GRIK4: variants seen among roughly 807,000 people sequenced by gnomAD.
GRIK4 encodes the protein glutamate receptor ionotropic, kainate 4.
Under a neutral mutation model 104.9 loss-of-function variants are expected in GRIK4, and 40 were observed. The observed-to-expected ratio is 0.38, with a 90% CI of 0.30 to 0.50. The LOEUF (loss-of-function observed/expected upper bound fraction) is 0.50. Among genes scored for constraint, GRIK4 ranks in the 20% least tolerant of loss-of-function variants. The pLI, the probability that GRIK4 is intolerant of heterozygous loss-of-function variation, is 0.93. For synonymous variants in GRIK4, 485 were observed against 524.9 expected (o/e 0.92, Z 1.04); for missense variants, 1,047 against 1,308.1 (o/e 0.80, Z 3.08).
At chr11:120,815,139 A>C (rs938731030) in intron 4 of GRIK4, among the ~76,000 whole-genome samples, 4 of 152,262 alleles carry the variant, frequency 2.6e-5, no homozygotes, top group African/African-American at 9.6e-5. Context: ...GTATGTTGTC[A>C]TAACCTGGGT....
intron 1 of GRIK4, among the ~76,000 whole-genome samples, chr11:120,601,647 GT>G (rs779169082): frequency 0.043 from 5,401 of 125,124 alleles, 295 homozygotes; most frequent in East Asian, 0.17. Flanking sequence ...TGTGTGTGTG[GT>G]TTTTTTTTTT....
chr11:120,533,042 G>C (rs543919118), intron 1 of GRIK4, among the ~76,000 whole-genome samples: 37 of 152,166 alleles, frequency 2.4e-4, no homozygotes, highest in Non-Finnish European at 4.9e-4. Flanking sequence ...CCAAGGTGGA[G>C]GCCAATGTAG....
chr11:120,612,414 C>G (rs1949048923), intron 1 of GRIK4, among the ~76,000 whole-genome samples: 1 of 151,730 alleles, frequency 6.6e-6, no homozygotes, highest in South Asian at 2.1e-4. Flanking sequence ...CTTCTGTGTC[C>G]TCATAATACT....
intron 3 of GRIK4, among the ~76,000 whole-genome samples, chr11:120,669,169 ACACT>A (rs565641686): frequency 4.7e-4 from 72 of 152,118 alleles, no homozygotes; most frequent in Non-Finnish European, 7.4e-4. Flanking sequence ...GTGTGTTCAC[ACACT>A]CATGTGTGGG....
chr11:120,574,397 G>T (rs1434228800), intron 1 of GRIK4, among the ~76,000 whole-genome samples: 1 of 152,192 alleles, frequency 6.6e-6, no homozygotes, highest in Non-Finnish European at 1.5e-5. Flanking sequence ...GACACCTTAC[G>T]TATATGGTCT....
At chr11:120,751,669 C>T (rs893474872) in intron 3 of GRIK4, among the ~76,000 whole-genome samples, 1 of 152,140 alleles carries the variant, frequency 6.6e-6, no homozygotes, top group Non-Finnish European at 1.5e-5. Flanking sequence ...AAAAGCAGAC[C>T]ATGTTCCCAC....
At chr11:120,716,637 A>G (rs1185134290) in intron 3 of GRIK4, among the ~76,000 whole-genome samples, 1 of 152,186 alleles carries the variant, frequency 6.6e-6, no homozygotes, top group Non-Finnish European at 1.5e-5. Context: ...CTGCCTTCTA[A>G]GTGTTGGCAG....
intron 11 of GRIK4, among the ~76,000 whole-genome samples, chr11:120,880,100 A>G (rs1375113291): frequency 1.3e-5 from 2 of 152,186 alleles, no homozygotes; most frequent in Admixed American, 6.5e-5. Context: ...GCAGATCTAA[A>G]CTTTTTCTGT....
intron 5 of GRIK4, among the ~76,000 whole-genome samples, chr11:120,818,434 C>G (rs1366802957): frequency 2.6e-5 from 4 of 152,212 alleles, no homozygotes; most frequent in African/African-American, 9.7e-5. Flanking sequence ...AGATCAATGT[C>G]ACTCTTTAGA....
chr11:120,639,544 G>A (rs530262369), intron 1 of GRIK4, among the ~76,000 whole-genome samples: 1 of 152,300 alleles, frequency 6.6e-6, no homozygotes, highest in Admixed American at 6.5e-5. Context: ...GTCTCAGTAA[G>A]TGACTCCATC....
At chr11:120,550,295 G>C (rs1437355622) in intron 1 of GRIK4, among the ~76,000 whole-genome samples, 3 of 148,792 alleles carry the variant, frequency 2.0e-5, no homozygotes, top group African/African-American at 7.6e-5. Context: ...GAGTGAGTGG[G>C]AGGAGGATGG....
chr11:120,971,533 C>T (rs893266335), intron 19 of GRIK4, among the ~76,000 whole-genome samples: 1 of 152,214 alleles, frequency 6.6e-6, no homozygotes, highest in Non-Finnish European at 1.5e-5. Flanking sequence ...TGCCAACAAA[C>T]AGCGTGGTAA....
chr11:120,669,310 A>C (rs931611997), intron 3 of GRIK4, among the ~76,000 whole-genome samples: 3 of 152,188 alleles, frequency 2.0e-5, no homozygotes, highest in African/African-American at 4.8e-5. Context: ...CTACCCTCTT[A>C]GCCTGGTGGA....
At chr11:120,737,977 A>G (rs954625700) in intron 3 of GRIK4, among the ~76,000 whole-genome samples, 3 of 152,206 alleles carry the variant, frequency 2.0e-5, no homozygotes, top group African/African-American at 7.2e-5. Context: ...CATAAGCGGA[A>G]TTTAAAGCCT....
At chr11:120,541,276 A>G (rs116033420) in intron 1 of GRIK4, among the ~76,000 whole-genome samples, 1 of 152,232 alleles carries the variant, frequency 6.6e-6, no homozygotes, top group Non-Finnish European at 1.5e-5. Context: ...AGCCAGCATC[A>G]CACTTTGAAC....
chr11:120,800,963 G>A (rs933370539), intron 3 of GRIK4, among the ~76,000 whole-genome samples: 3 of 143,334 alleles, frequency 2.1e-5, no homozygotes, highest in East Asian at 1.9e-4. Flanking sequence ...TGCATACCAC[G>A]TAATTCACTT....
rs766211470 is a variant in GRIK4, at chr11:120,967,153, C to A, written c.2267-42C>A. 4.4e-6 allele frequency: 7 copies of A among 1,584,516 alleles called. No individual in the cohort carries two copies. The highest frequency in any genetic ancestry group is 3.4e-6 in the Non-Finnish European group (4 of 1,164,746). ...GGGAGCAGAGTGACACCTAACAGGG[C>A]ATTCACAACCTGTGTCCTGGGCTCT... On this transcript the variant is annotated intron_variant, in intron 18 of 20. Coordinates refer to ENST00000527524, the MANE Select transcript of GRIK4 (RefSeq NM_014619.5). This position sits in a 1 kb window ranked among gnomAD's most constrained non-coding sequence, Gnocchi z 4.2.
In GRIK4 at chr11:120,660,276, T is replaced by C. The variant is rs1949789971; in HGVS notation, c.-43T>C. On this transcript the variant is annotated 5_prime_UTR_variant, in exon 3 of 21. Coordinates refer to ENST00000527524, the MANE Select transcript of GRIK4 (RefSeq NM_014619.5). ...CAACCCCCTCTCTCGCAGAGTTATG[T>C]CATGCCCAGGCCAGCAGGGGGCTCC... 6.9e-7 allele frequency: 1 copy of C among 1,444,970 alleles called. No homozygotes were observed. The allele number at this position is 1,444,970 out of a possible 1,614,324, so 89.5% of individuals were successfully genotyped here.
chr11:120,955,716 C>T (rs937946178), intron 15 of GRIK4, among the ~76,000 whole-genome samples: 5 of 152,226 alleles, frequency 3.3e-5, no homozygotes, highest in African/African-American at 1.2e-4. Flanking sequence ...GTGCATTACA[C>T]TCACTGGGGA....
Sources: allele counts gnomAD v4.1 joint callset (sites outside exome capture counted in the v4.1 genomes callset), GRCh38; gene constraint gnomAD v4.1.1; non-coding constraint Gnocchi (gnomAD v3.1); transcripts MANE v1.5; gene names NCBI Gene and HGNC (gene_info 2026-07-23, HGNC 2026-07-21).